SUCLG2: variants seen among roughly 807,000 people sequenced by gnomAD.
The protein encoded by SUCLG2 is succinate-CoA ligase GDP-forming subunit beta.
Under a neutral mutation model 47.9 loss-of-function variants are expected in SUCLG2, and 42 were observed. The ratio of observed to expected loss-of-function variants is 0.88; its 90% CI spans 0.69 to 1.14. The LOEUF is 1.14. SUCLG2 is among the 50% of genes most tolerant of loss of function. The probability of loss-of-function intolerance (pLI) is 0.00; values close to 1 mark genes in which losing one functional copy is unlikely to be tolerated. For synonymous variants in SUCLG2, 195 were observed against 197.3 expected (o/e 0.99, Z 0.10); for missense variants, 571 against 525.9 (o/e 1.09, Z -0.84).
chr3:67,478,928 T>G (rs1360352709), intron 9 of SUCLG2, among the ~76,000 whole-genome samples: 1 of 152,232 alleles, frequency 6.6e-6, no homozygotes, highest in African/African-American at 2.4e-5. Flanking sequence ...CCTTAAGAAC[T>G]GTCTTTAGAC....
intron 9 of SUCLG2, among the ~76,000 whole-genome samples, chr3:67,449,939 C>T (rs1424094040): frequency 6.6e-6 from 1 of 152,064 alleles, no homozygotes; most frequent in Non-Finnish European, 1.5e-5. Context: ...AGCTTAAATA[C>T]ATTATTTGAA....
At position 67,555,133 on chromosome 3, in the gene SUCLG2, A is replaced by G. The variant is rs561930042; in HGVS notation, c.227-25947T>C. On this transcript the variant is annotated intron_variant, in intron 2 of 10. Coordinates refer to ENST00000307227, the MANE Select transcript of SUCLG2 (RefSeq NM_003848.4). ...ACAGTAAATTAAGGAAATAATATATAGAGGATGAGAGCAAGTTTCTTGCTG... is the reference window on the plus strand; with the variant it reads ...ACAGTAAATTAAGGAAATAATATATGGAGGATGAGAGCAAGTTTCTTGCTG... Among the ~76,000 whole-genome samples the G allele has an allele frequency of 2.6e-5, 4 of 152,314 alleles. 1 individual carries two copies. In the South Asian group the frequency reaches 8.3e-4, roughly 32 times the overall value.
intron 10 of SUCLG2, among the ~76,000 whole-genome samples, chr3:67,389,859 G>A (rs1267868533): frequency 6.6e-6 from 1 of 152,050 alleles, no homozygotes; most frequent in Non-Finnish European, 1.5e-5. Context: ...AATTTCTCAA[G>A]GTTCTTTATT....
At chr3:67,416,451 T>C (rs1244825798) in intron 9 of SUCLG2, among the ~76,000 whole-genome samples, 1 of 152,212 alleles carries the variant, frequency 6.6e-6, no homozygotes, top group Admixed American at 6.5e-5. Flanking sequence ...ATTTTATACT[T>C]AAAAAATCCC....
At chr3:67,442,474 G>T (rs1703791558) in intron 9 of SUCLG2, among the ~76,000 whole-genome samples, 1 of 152,164 alleles carries the variant, frequency 6.6e-6, no homozygotes, top group African/African-American at 2.4e-5. Context: ...TGGGGCTGAA[G>T]AATCTGTGTT....
chr3:67,407,017 C>A (rs907537870), intron 9 of SUCLG2, among the ~76,000 whole-genome samples: 1 of 152,100 alleles, frequency 6.6e-6, no homozygotes, highest in South Asian at 2.1e-4. Context: ...CACCAGGGAT[C>A]GACAACATCT....
chr3:67,422,531 C>A (rs569683585), intron 9 of SUCLG2, among the ~76,000 whole-genome samples: 1 of 129,084 alleles, frequency 7.7e-6, no homozygotes, highest in African/African-American at 2.9e-5. Flanking sequence ...TTACTAAGAT[C>A]TTACAATATG....
intron 2 of SUCLG2, among the ~76,000 whole-genome samples, chr3:67,542,063 G>A (rs553962518): frequency 3.3e-5 from 5 of 151,872 alleles, no homozygotes; most frequent in South Asian, 2.1e-4. Flanking sequence ...TAGTAGAGAC[G>A]GGGTTTCTCC....
chr3:67,614,572 A>G (rs1246108638), intron 1 of SUCLG2, among the ~76,000 whole-genome samples: 1 of 151,974 alleles, frequency 6.6e-6, no homozygotes. Context: ...ATTCTATTAA[A>G]TGACCTCACA....
At chr3:67,524,774 G>A (rs567990347) in intron 4 of SUCLG2, among the ~76,000 whole-genome samples, 22 of 152,214 alleles carry the variant, frequency 1.4e-4, no homozygotes, top group African/African-American at 4.8e-4. Context: ...AGAGAAGAAG[G>A]GAGACTAGCT....
chr3:67,369,863 A>C (rs1414375375), downstream of SUCLG2, among the ~76,000 whole-genome samples: 1 of 152,208 alleles, frequency 6.6e-6, no homozygotes, highest in Non-Finnish European at 1.5e-5. Context: ...AAGTGGCACT[A>C]TGAACATTTT....
chr3:67,511,918 A>G (rs1209629129), intron 6 of SUCLG2, among the ~76,000 whole-genome samples: 2 of 150,822 alleles, frequency 1.3e-5, no homozygotes, highest in Admixed American at 6.6e-5. Context: ...TGGCATAATC[A>G]TGGCTCACTG....
At chr3:67,510,084 G>T (rs1377645966) in intron 6 of SUCLG2, among the ~76,000 whole-genome samples, 1 of 152,186 alleles carries the variant, frequency 6.6e-6, no homozygotes, top group Admixed American at 6.5e-5. Flanking sequence ...CTGTATACAA[G>T]GTCCAGTAAC....
intron 2 of SUCLG2, among the ~76,000 whole-genome samples, chr3:67,533,425 C>A (rs1304087574): frequency 6.6e-6 from 1 of 152,102 alleles, no homozygotes; most frequent in Non-Finnish European, 1.5e-5. Context: ...ATTGGAATAT[C>A]CAGTTCTCAG....
At chr3:67,563,607 G>T (rs1223572959) in intron 2 of SUCLG2, among the ~76,000 whole-genome samples, 1 of 152,068 alleles carries the variant, frequency 6.6e-6, no homozygotes, top group Non-Finnish European at 1.5e-5. Flanking sequence ...AGGCTGAATG[G>T]GGCTCACTTA....
chr3:67,622,454 C>T (rs912873677), intron 1 of SUCLG2, among the ~76,000 whole-genome samples: 2 of 152,192 alleles, frequency 1.3e-5, no homozygotes, highest in Non-Finnish European at 2.9e-5. Context: ...ACTTCGATTT[C>T]ATCACTTATA....
intron 2 of SUCLG2, among the ~76,000 whole-genome samples, chr3:67,549,774 G>C (rs1706963382): frequency 6.6e-6 from 1 of 152,060 alleles, no homozygotes; most frequent in Non-Finnish European, 1.5e-5. Context: ...ATCTATAACT[G>C]AGGATAAATC....
intron 10 of SUCLG2, among the ~76,000 whole-genome samples, chr3:67,386,405 A>T (rs1449750248): frequency 6.6e-6 from 1 of 152,166 alleles, no homozygotes; most frequent in Non-Finnish European, 1.5e-5. Context: ...CAACAAACTC[A>T]GATTACTATA....
intron 2 of SUCLG2, among the ~76,000 whole-genome samples, chr3:67,591,737 G>A (rs1202269361): frequency 2.6e-5 from 4 of 152,038 alleles, no homozygotes; most frequent in African/African-American, 2.4e-5. Context: ...GCATAAAAAC[G>A]GACTAATACA....
Sources: gnomAD v4.1 joint callset for allele counts (sites outside exome capture counted in the v4.1 genomes callset) on GRCh38, gnomAD v4.1.1 for gene constraint, MANE v1.5 for transcripts, NCBI Gene and HGNC (gene_info 2026-07-23, HGNC 2026-07-21) for gene names.